Variants in DOCK9 observed in about 807,000 individuals in gnomAD.
DOCK9 encodes the protein dedicator of cytokinesis 9.
DOCK9 carries 89 observed loss-of-function variants against 263.3 expected under a neutral mutation model. That is an observed-to-expected ratio of 0.34 (90% CI 0.28 to 0.40). DOCK9 has a LOEUF of 0.40. DOCK9 is among the 10% of genes least tolerant of loss of function. DOCK9 has a pLI of 1.00. For missense variants in DOCK9, 2,140 were observed against 2,603.4 expected (o/e 0.82, Z 3.87); for synonymous variants, 976 against 973.1 (o/e 1.00, Z -0.06).
At chr13:98,975,959 A>T (rs1271495520) in intron 1 of DOCK9, among the ~76,000 whole-genome samples, 1 of 152,214 alleles carries the variant, frequency 6.6e-6, no homozygotes, top group Non-Finnish European at 1.5e-5. Context: ...CCTTTCCAGC[A>T]GTCTGTTGAA....
upstream of DOCK9, among the ~76,000 whole-genome samples, chr13:98,978,321 C>T (rs1875862802): frequency 6.6e-6 from 1 of 152,242 alleles, no homozygotes; most frequent in Non-Finnish European, 1.5e-5. Context: ...TACCTTAAAT[C>T]TGAAGCTCGT....
At chr13:98,921,776 C>T (rs73560659) in intron 6 of DOCK9, among the ~76,000 whole-genome samples, 10,457 of 152,212 alleles carry the variant, frequency 0.069, 583 homozygotes, top group African/African-American at 0.16. Context: ...GAGCACTTTT[C>T]AGTTATTACA....
intron 1 of DOCK9, among the ~76,000 whole-genome samples, chr13:99,038,924 C>T (rs1031026932): frequency 6.6e-6 from 1 of 152,220 alleles, no homozygotes; most frequent in Non-Finnish European, 1.5e-5. Flanking sequence ...GTCTTGGAAG[C>T]TATGCATGTT....
intron 35 of DOCK9, among the ~76,000 whole-genome samples, chr13:98,852,078 A>G (rs551610366): frequency 1.4e-4 from 22 of 152,328 alleles, no homozygotes; most frequent in African/African-American, 4.8e-4. Flanking sequence ...TTATGTTCTT[A>G]TTATAGGTCA....
chr13:98,824,459 T>C lies in DOCK9; in HGVS notation c.5069A>G (p.Asn1690Ser). Residue 1690 changes from asparagine (N) to serine (S), a missense_variant, in exon 45 of 53, where the codon AAC (asparagine) becomes AGC (serine). By Grantham distance (46) the Asn-to-Ser change is conservative (BLOSUM62 1). Coordinates refer to ENST00000682017, the MANE Select transcript of DOCK9 (RefSeq NM_001366683.2). ...CATCATGGAGGCCTCCTCGTCGATG[T>C]TTGGGGTAATGACCCTGAAGGCGGT... ...GCTAFRVITP[N>S]IDEEASMMED... 1 of 1,613,872 alleles carries C rather than the reference T, an allele frequency of 6.2e-7. No homozygotes were observed. The highest frequency in any genetic ancestry group is 8.5e-7 in the Non-Finnish European group (1 of 1,179,814).
chr13:99,067,037 C>T (rs992514780), intron 1 of DOCK9, among the ~76,000 whole-genome samples: 2 of 152,304 alleles, frequency 1.3e-5, no homozygotes, highest in African/African-American at 4.8e-5. Flanking sequence ...AGTCTTGACA[C>T]CTTCCTACAA....
At chr13:98,860,323 T>G in intron 33 of DOCK9, 82 bp downstream of exon 33, 1 of 1,543,456 alleles carries the variant, frequency 6.5e-7, no homozygotes, top group Non-Finnish European at 8.8e-7. Flanking sequence ...ACCACACAAG[T>G]GTGACACGTT....
chr13:98,880,706 T>C (rs1309959248), intron 25 of DOCK9, 34 bp from the exon 26 acceptor site: 1 of 1,606,310 alleles, frequency 6.2e-7, no homozygotes, highest in Non-Finnish European at 8.5e-7. Context: ...TTTAATGCAC[T>C]GGCTCTCCAA....
Position 98,810,256 on chromosome 13 carries a change from A to G in DOCK9, c.5166T>C (p.Asp1722=). The change falls in exon 46 of 53, where the codon GAT becomes GAC. Residue 1722 remains aspartate (D), a synonymous_variant. Transcript: ENST00000682017. ...VLMELLEQCA[D]GLWKAERYEL... is the part of the protein sequence containing the mutation. ...CGTAGCGCTCGGCTTTCCAGAGTCCATCTGCGCACTGCTCAAGGAGCTCCA... is the reference window on the plus strand; with the variant it reads ...CGTAGCGCTCGGCTTTCCAGAGTCCGTCTGCGCACTGCTCAAGGAGCTCCA... 6.2e-7 allele frequency: 1 copy of G among 1,613,828 alleles called. No homozygotes were observed. The highest frequency in any genetic ancestry group is 8.5e-7 in the Non-Finnish European group (1 of 1,179,866).
At chr13:98,925,414 C>A (rs2052771912) in intron 4 of DOCK9, among the ~76,000 whole-genome samples, 2 of 152,044 alleles carry the variant, frequency 1.3e-5, no homozygotes, top group South Asian at 4.2e-4. Context: ...ATGCTTGTTT[C>A]TTGATTTACT....
chr13:99,078,476 C>T (rs753097554), intron 1 of DOCK9, among the ~76,000 whole-genome samples: 2 of 152,094 alleles, frequency 1.3e-5, no homozygotes, highest in Non-Finnish European at 2.9e-5. Flanking sequence ...CCTGAGAGGC[C>T]GCCCCACACT....
At chr13:99,082,326 T>C (rs1188693831) in intron 1 of DOCK9, among the ~76,000 whole-genome samples, 1 of 151,974 alleles carries the variant, frequency 6.6e-6, no homozygotes, top group Non-Finnish European at 1.5e-5. Flanking sequence ...AAAACCAGCC[T>C]GGCCAAATTG....
intron 1 of DOCK9, among the ~76,000 whole-genome samples, chr13:99,071,306 C>CTTTTTTTTTTTTTTTTTTTTTTTTTT (rs71114578): frequency 1.4e-4 from 7 of 49,328 alleles, no homozygotes; most frequent in East Asian, 1.3e-3. Flanking sequence ...CCATGCCTGG[C>CTTTTTTTTTTTTTTTTTTTTTTTTTT]TTTTTTTTTT....
intron 1 of DOCK9, among the ~76,000 whole-genome samples, chr13:99,062,843 C>A (rs956135657): frequency 1.3e-5 from 2 of 152,184 alleles, no homozygotes; most frequent in Admixed American, 6.5e-5. Context: ...CAGGACCGCG[C>A]CAGTTCAGTG....
intron 1 of DOCK9, among the ~76,000 whole-genome samples, chr13:98,956,397 A>G (rs1295707855): frequency 6.6e-6 from 1 of 152,208 alleles, no homozygotes; most frequent in African/African-American, 2.4e-5. Flanking sequence ...ATATTCAACT[A>G]ACTATACTAC....
At chr13:99,068,540 C>T (rs1260630363) in intron 1 of DOCK9, among the ~76,000 whole-genome samples, 1 of 152,166 alleles carries the variant, frequency 6.6e-6, no homozygotes, top group African/African-American at 2.4e-5. Context: ...CCAGATCGCG[C>T]CCTGCACTCC....
At chr13:99,075,114 T>G (rs2041855642) in intron 1 of DOCK9, among the ~76,000 whole-genome samples, 1 of 152,206 alleles carries the variant, frequency 6.6e-6, no homozygotes. Flanking sequence ...TAACTTTTTA[T>G]AATAGATTTG....
intron 18 of DOCK9, 104 bp from the exon 19 acceptor site, chr13:98,886,728 C>T: frequency 9.6e-7 from 1 of 1,038,094 alleles, no homozygotes; most frequent in Non-Finnish European, 1.4e-6. Context: ...ATAGACTTAG[C>T]ATCGCCACCT....
At chr13:99,079,647 G>GT (rs2042049099) in intron 1 of DOCK9, among the ~76,000 whole-genome samples, 1 of 152,192 alleles carries the variant, frequency 6.6e-6, no homozygotes, top group African/African-American at 2.4e-5. Context: ...CTCGGGCAAC[G>GT]TATGTTGCTC....
Sources: allele counts gnomAD v4.1 joint callset (sites outside exome capture counted in the v4.1 genomes callset), GRCh38; gene constraint gnomAD v4.1.1; transcripts MANE v1.5; gene names NCBI Gene and HGNC (gene_info 2026-07-23, HGNC 2026-07-21).